Variants in PHF20 observed in about 807,000 individuals in gnomAD.
PHF20 encodes PHD finger protein 20.
PHF20 carries 23 observed loss-of-function variants against 113.5 expected under a neutral mutation model. The observed-to-expected ratio is 0.20, with a 90% CI of 0.15 to 0.29. The LOEUF is 0.29. Among genes scored for constraint, PHF20 ranks in the 10% least tolerant of loss-of-function variants. The pLI is 1.00. For missense variants in PHF20, 943 were observed against 1,219.6 expected, an observed-to-expected ratio of 0.77 and a Z score of 3.38; for synonymous variants, 434 against 457.3, an observed-to-expected ratio of 0.95 and a Z score of 0.65.
chr20:35,827,164 C>T (rs948597366), intron 2 of PHF20, among the ~76,000 whole-genome samples: 4 of 152,006 alleles, frequency 2.6e-5, no homozygotes, highest in East Asian at 3.9e-4. Context: ...TGCAATGGTA[C>T]GATTTTGGCT....
In PHF20 at chr20:35,914,023, G is replaced by A. The variant is rs766847030; in HGVS notation, c.1661-10G>A. On this transcript the variant is annotated splice_polypyrimidine_tract_variant and intron_variant, in intron 11 of 17. Transcript: ENST00000374012. The stretch of plus-strand genomic sequence containing the variant: ...GGGTTATTCATTCCTTCCTGATCCT[G>A]TTCTTCCAGAATGCCCCTGCAGTGA... 6.2e-6 allele frequency: 10 copies of A among 1,613,798 alleles called. No homozygotes were observed. In the East Asian group the frequency reaches 2.0e-4, roughly 32 times the overall value.
intron 2 of PHF20, among the ~76,000 whole-genome samples, chr20:35,821,201 C>T (rs1427216892): frequency 1.3e-5 from 2 of 151,942 alleles, no homozygotes; most frequent in Non-Finnish European, 2.9e-5. Flanking sequence ...GTAATCCCAG[C>T]AGTTTGGGAG....
At position 35,772,093 on chromosome 20, in the gene PHF20, C is replaced by A. The variant is rs8125090; in HGVS notation, c.-33+14C>A. The A allele has an allele frequency of 6.7e-6, 1 of 150,104 alleles. No individual in the cohort carries two copies. The highest frequency in any genetic ancestry group is 6.6e-5 in the Admixed American group (1 of 15,084). 9.3% of individuals were successfully genotyped at this position (150,104 alleles called of 1,614,324 possible). A position where few individuals can be genotyped will look rare whatever the true frequency, so the allele number is the denominator to read the frequency against. ...TGGGGCCGTGAGGTGAGCTCGCGGC[C>A]AGGCGAAGCCGGCCGGCCGGGCCGG... On this transcript the variant is annotated intron_variant, in intron 1 of 17. Transcript: ENST00000374012.
chr20:35,939,990 A>G (rs2055945768), intron 16 of PHF20, among the ~76,000 whole-genome samples: 1 of 152,216 alleles, frequency 6.6e-6, no homozygotes. Context: ...TTCTGAGCTC[A>G]GCCCCTTACT....
chr20:35,862,731 T>C (rs948301933), intron 5 of PHF20, among the ~76,000 whole-genome samples: 4 of 152,108 alleles, frequency 2.6e-5, no homozygotes, highest in Non-Finnish European at 5.9e-5. Flanking sequence ...AGACTCTGTC[T>C]CAGAAACAAA....
At chr20:35,898,280 A>G (rs2055028362) in intron 9 of PHF20, among the ~76,000 whole-genome samples, 1 of 152,202 alleles carries the variant, frequency 6.6e-6, no homozygotes, top group South Asian at 2.1e-4. Flanking sequence ...CTTTCCTTGC[A>G]CAAAAACTGA....
At chr20:35,900,460 T>C (rs561001442) in intron 10 of PHF20, among the ~76,000 whole-genome samples, 1 of 152,180 alleles carries the variant, frequency 6.6e-6, no homozygotes. Flanking sequence ...CCATGCAGAC[T>C]AAGGTGAACT....
chr20:35,944,032 G>A (rs2056040704), intron 17 of PHF20, among the ~76,000 whole-genome samples: 1 of 152,328 alleles, frequency 6.6e-6, no homozygotes, highest in Middle Eastern at 3.4e-3. Context: ...GCCTTGGTGA[G>A]CAGTGGTCTC....
At chr20:35,921,800 T>A (rs985228527) in intron 13 of PHF20, among the ~76,000 whole-genome samples, 2 of 152,146 alleles carry the variant, frequency 1.3e-5, no homozygotes, top group Non-Finnish European at 2.9e-5. Flanking sequence ...ATCTTTAGTT[T>A]CTACTCTGTC....
intron 3 of PHF20, among the ~76,000 whole-genome samples, chr20:35,843,121 CA>C (rs986553334): frequency 2.0e-5 from 3 of 151,234 alleles, no homozygotes; most frequent in Non-Finnish European, 4.4e-5. Flanking sequence ...AGGCTGGTCT[CA>C]AACTCCTGAC....
intron 6 of PHF20, among the ~76,000 whole-genome samples, chr20:35,864,704 C>A (rs1258849934): frequency 2.0e-5 from 3 of 152,060 alleles, no homozygotes; most frequent in African/African-American, 4.8e-5. Context: ...GTTTTGCCCT[C>A]AAGAGCTGAG....
chr20:35,800,718 C>T (rs1481820763), intron 1 of PHF20, among the ~76,000 whole-genome samples: 3 of 152,134 alleles, frequency 2.0e-5, no homozygotes, highest in African/African-American at 7.2e-5. Context: ...ATACGGTGAG[C>T]TGAGATGGCA....
At chr20:35,815,094 G>T (rs2042048362) in intron 2 of PHF20, among the ~76,000 whole-genome samples, 1 of 151,752 alleles carries the variant, frequency 6.6e-6, no homozygotes, top group African/African-American at 2.4e-5. Context: ...TACTCGGGAG[G>T]TTGAGGCAGG....
intron 2 of PHF20, among the ~76,000 whole-genome samples, chr20:35,828,048 A>G (rs1426794690): frequency 3.9e-5 from 6 of 151,906 alleles, no homozygotes; most frequent in Non-Finnish European, 8.8e-5. Flanking sequence ...TCTGAGACAG[A>G]GTTTCGCTCT....
At chr20:35,794,466 G>A (rs1206674506) in intron 1 of PHF20, among the ~76,000 whole-genome samples, 1 of 152,102 alleles carries the variant, frequency 6.6e-6, no homozygotes, top group African/African-American at 2.4e-5. Flanking sequence ...CTTGAATGAG[G>A]GGGGCATAAA....
intron 1 of PHF20, among the ~76,000 whole-genome samples, chr20:35,797,588 T>C (rs111883395): frequency 0.048 from 7,175 of 150,324 alleles, 209 homozygotes; most frequent in African/African-American, 0.089. Context: ...TAAAATTTTA[T>C]CATCTAGATA....
intron 5 of PHF20, among the ~76,000 whole-genome samples, chr20:35,861,257 A>G (rs2054213775): frequency 6.6e-6 from 1 of 152,166 alleles, no homozygotes; most frequent in African/African-American, 2.4e-5. Flanking sequence ...ACTGTAGAAA[A>G]ATATATAAGT....
intron 2 of PHF20, among the ~76,000 whole-genome samples, chr20:35,820,745 G>A (rs563055253): frequency 7.8e-4 from 118 of 152,154 alleles, no homozygotes; most frequent in Non-Finnish European, 1.2e-3. Context: ...CATCACACCT[G>A]GCCAGAATAA....
chr20:35,944,779 C>G (rs1165407982), intron 17 of PHF20, among the ~76,000 whole-genome samples: 1 of 152,126 alleles, frequency 6.6e-6, no homozygotes, highest in Non-Finnish European at 1.5e-5. Context: ...GTTGGCCAGG[C>G]TTGTCTTGAA....
Sources: gnomAD v4.1 joint callset for allele counts (sites outside exome capture counted in the v4.1 genomes callset) on GRCh38, gnomAD v4.1.1 for gene constraint, MANE v1.5 for transcripts, NCBI Gene and HGNC (gene_info 2026-07-23, HGNC 2026-07-21) for gene names.